Variants in GPHN observed in about 807,000 individuals in gnomAD.
GPHN encodes the protein gephyrin.
GPHN carries 17 observed loss-of-function variants against 95.5 expected under a neutral mutation model. That is an observed-to-expected ratio of 0.18 (90% CI 0.12 to 0.27). The LOEUF (loss-of-function observed/expected upper bound fraction) is 0.27. GPHN is among the 10% of genes least tolerant of loss of function. The pLI, the probability that GPHN is intolerant of heterozygous loss-of-function variation, is 1.00. For missense variants in GPHN, 660 were observed against 978.1 expected, an observed-to-expected ratio of 0.67 and a Z score of 4.34; for synonymous variants, 320 against 322.5, an observed-to-expected ratio of 0.99 and a Z score of 0.08.
intron 1 of GPHN, among the ~76,000 whole-genome samples, chr14:66,579,654 AG>A (rs1339722327): frequency 6.6e-6 from 1 of 151,856 alleles, no homozygotes; most frequent in East Asian, 1.9e-4. Flanking sequence ...AAGAAGATAC[AG>A]CAATTGTAAA....
intron 5 of GPHN, among the ~76,000 whole-genome samples, chr14:66,892,451 A>G (rs978919874): frequency 2.6e-5 from 4 of 152,286 alleles, no homozygotes; most frequent in Non-Finnish European, 5.9e-5. Flanking sequence ...ACTGTAATAG[A>G]TATTTGCACG....
chr14:66,652,534 T>TTC (rs2065097094), intron 1 of GPHN, among the ~76,000 whole-genome samples: 1 of 151,950 alleles, frequency 6.6e-6, no homozygotes, highest in Non-Finnish European at 1.5e-5. Context: ...GGTTTTTTTT[T>TTC]CTGTTTTTAA....
intron 3 of GPHN, among the ~76,000 whole-genome samples, chr14:66,812,024 C>G (rs2060783818): frequency 6.6e-6 from 1 of 152,278 alleles, no homozygotes; most frequent in Admixed American, 6.5e-5. Context: ...CCCAATCTGG[C>G]CTAACTGGCA....
chr14:67,369,494 C>T, the GPHN span, among the ~76,000 whole-genome samples: 4 of 152,198 alleles, frequency 2.6e-5, no homozygotes, highest in South Asian at 8.3e-4. Flanking sequence ...ACCTAGAACA[C>T]TGCACCCAGA....
At chr14:67,497,364 T>C in the GPHN span, among the ~76,000 whole-genome samples, 1 of 152,000 alleles carries the variant, frequency 6.6e-6, no homozygotes, top group Admixed American at 6.6e-5. Flanking sequence ...CGAGACACTG[T>C]AGCGCAGGCC....
In GPHN at chr14:66,508,572, C is replaced by T. The variant is rs1238975631; in HGVS notation, c.45C>T (p.Ile15=). The change falls in exon 1 of 23, where the codon ATC becomes ATT. Residue 15 remains isoleucine, a synonymous_variant. Coordinates refer to ENST00000478722, the MANE Select transcript of GPHN (RefSeq NM_020806.5). The part of the protein sequence containing the change: ...GMILTNHDHQ[I]RVGVLTVSDS... ...TCCTTACTAACCACGACCATCAAAT[C>T]CGTGTCGGAGTCCTTACAGGTAACC... The T allele has an allele frequency of 6.2e-7, 1 of 1,613,874 alleles. No individual in the cohort carries two copies. Among genetic ancestry groups the T allele is most frequent in the Non-Finnish European group, 8.5e-7 (1 of 1,179,830 alleles).
chr14:66,785,448 A>C (rs2059739055), intron 3 of GPHN, among the ~76,000 whole-genome samples: 1 of 152,144 alleles, frequency 6.6e-6, no homozygotes, highest in Admixed American at 6.5e-5. Context: ...ACTTCAGAAC[A>C]AGAAAAATTC....
chr14:66,603,671 T>C (rs1435844757), intron 1 of GPHN, among the ~76,000 whole-genome samples: 10 of 152,014 alleles, frequency 6.6e-5, no homozygotes, highest in Admixed American at 2.6e-4. Context: ...ATACTTCTGT[T>C]TTATCTTAGA....
the GPHN span, chr14:67,722,599 C>G: frequency 6.4e-7 from 1 of 1,563,950 alleles, no homozygotes; most frequent in Non-Finnish European, 8.8e-7. Flanking sequence ...GGGGTTGAAG[C>G]TGGAGCAGCA....
intron 1 of GPHN, among the ~76,000 whole-genome samples, chr14:66,647,085 T>C (rs7158177): frequency 0.32 from 47,061 of 147,642 alleles, 11,221 homozygotes; most frequent in African/African-American, 0.65. Flanking sequence ...TAATATTTTT[T>C]TTTAAAGTCA....
the GPHN span, among the ~76,000 whole-genome samples, chr14:67,631,579 G>GGACATGCCACCAC: frequency 6.6e-6 from 1 of 151,560 alleles, no homozygotes; most frequent in African/African-American, 2.4e-5. Flanking sequence ...GGAACTACAG[G>GGACATGCCACCAC]GACATGCCAC....
chr14:67,105,906 T>C (rs1161226362), intron 13 of GPHN, among the ~76,000 whole-genome samples: 1 of 152,192 alleles, frequency 6.6e-6, no homozygotes, highest in Admixed American at 6.5e-5. Flanking sequence ...CCTTCTCTTA[T>C]TGTTTATCAT....
At chr14:67,518,406 G>C in the GPHN span, among the ~76,000 whole-genome samples, 1 of 152,344 alleles carries the variant, frequency 6.6e-6, no homozygotes, top group Admixed American at 6.5e-5. Flanking sequence ...GAGTAAGTAG[G>C]AGAATGCATA....
intron 1 of GPHN, among the ~76,000 whole-genome samples, chr14:66,617,566 A>G (rs1250325192): frequency 6.6e-6 from 1 of 152,132 alleles, no homozygotes; most frequent in Non-Finnish European, 1.5e-5. Flanking sequence ...GATAACCTGG[A>G]TACCTTAATT....
the GPHN span, among the ~76,000 whole-genome samples, chr14:67,671,494 C>G: frequency 1.3e-5 from 2 of 151,908 alleles, no homozygotes; most frequent in African/African-American, 2.4e-5. Flanking sequence ...CCACTGCACT[C>G]CAGCCTGGGC....
At position 67,000,540 on chromosome 14, in the gene GPHN, C is replaced by T. The variant is rs377359605; in HGVS notation, c.964-23093C>T. Among the ~76,000 whole-genome samples the T allele has an allele frequency of 3.1e-3, 470 of 151,582 alleles. 10 individuals carry two copies. Among genetic ancestry groups the T allele is most frequent in the African/African-American group, 0.011 (445 of 41,476 alleles). On this transcript the variant is annotated intron_variant, in intron 9 of 22. Transcript: ENST00000478722. The stretch of plus-strand genomic sequence containing the variant: ...TATTTCAATATATTTATCTACAGTG[C>T]TCCACCCTTTCATTCACATGTATTA...
At chr14:67,651,849 G>A in the GPHN span, 1 of 179,510 alleles carries the variant, frequency 5.6e-6, no homozygotes, top group Admixed American at 5.7e-5. Flanking sequence ...CTAGAAGCCT[G>A]GGTAATACCT....
At chr14:67,485,114 A>G in the GPHN span, among the ~76,000 whole-genome samples, 1 of 152,228 alleles carries the variant, frequency 6.6e-6, no homozygotes, top group South Asian at 2.1e-4. Flanking sequence ...ACTATTTCCT[A>G]ATAATATATC....
At chr14:66,668,613 A>G (rs528022586) in intron 1 of GPHN, among the ~76,000 whole-genome samples, 1 of 152,326 alleles carries the variant, frequency 6.6e-6, no homozygotes, top group African/African-American at 2.4e-5. Flanking sequence ...GAGGAAGAAC[A>G]CACACCAGGG....
Sources: gnomAD v4.1 joint callset for allele counts (sites outside exome capture counted in the v4.1 genomes callset) on GRCh38, gnomAD v4.1.1 for gene constraint, MANE v1.5 for transcripts, NCBI Gene and HGNC (gene_info 2026-07-23, HGNC 2026-07-21) for gene names.